LANCL2: variants seen among roughly 807,000 people sequenced by gnomAD.
LANCL2 encodes lanC-like protein 2.
LANCL2 carries 33 observed loss-of-function variants against 56.9 expected under a neutral mutation model. That is an observed-to-expected ratio of 0.58 (90% CI 0.44 to 0.78). The LOEUF is 0.78. Among genes scored for constraint, LANCL2 ranks in the 30% least tolerant of loss-of-function variants. The probability of loss-of-function intolerance (pLI) is 0.00; values close to 1 mark genes in which losing one functional copy is unlikely to be tolerated. For synonymous variants in LANCL2, 233 were observed against 228.2 expected, an observed-to-expected ratio of 1.02 and a Z score of -0.19; for missense variants, 562 against 580.2, an observed-to-expected ratio of 0.97 and a Z score of 0.32.
At chr7:55,390,739 C>G (rs968430013) in intron 1 of LANCL2, among the ~76,000 whole-genome samples, 3 of 151,340 alleles carry the variant, frequency 2.0e-5, no homozygotes, top group African/African-American at 4.9e-5. Context: ...TGAGATCACA[C>G]CACAGCACTC....
intron 1 of LANCL2, among the ~76,000 whole-genome samples, chr7:55,386,198 C>T (rs1790123860): frequency 6.6e-6 from 1 of 152,022 alleles, no homozygotes. Context: ...TCTCGGCTGA[C>T]AGGATTAAGA....
At chr7:55,398,840 T>A (rs1191142033) in intron 3 of LANCL2, among the ~76,000 whole-genome samples, 1 of 152,204 alleles carries the variant, frequency 6.6e-6, no homozygotes, top group Non-Finnish European at 1.5e-5. Flanking sequence ...ATAAATATAT[T>A]TCCTTATTTT....
chr7:55,370,583 A>C (rs1789932167), intron 1 of LANCL2, among the ~76,000 whole-genome samples: 1 of 152,220 alleles, frequency 6.6e-6, no homozygotes, highest in African/African-American at 2.4e-5. Context: ...AGTAAGTGAC[A>C]ATATGTAAAG....
At chr7:55,373,104 T>G (rs1789963086) in intron 1 of LANCL2, among the ~76,000 whole-genome samples, 1 of 152,190 alleles carries the variant, frequency 6.6e-6, no homozygotes, top group South Asian at 2.1e-4. Flanking sequence ...GTCTCCAGAT[T>G]CGTAAGTTTA....
intron 1 of LANCL2, among the ~76,000 whole-genome samples, chr7:55,370,653 G>A (rs1316338182): frequency 2.6e-5 from 4 of 152,154 alleles, no homozygotes; most frequent in African/African-American, 7.2e-5. Context: ...TTCGCATCAG[G>A]GAAGGCTTTT....
chr7:55,374,830 C>T (rs1437363487), intron 1 of LANCL2, among the ~76,000 whole-genome samples: 1 of 152,174 alleles, frequency 6.6e-6, no homozygotes, highest in Admixed American at 6.5e-5. Context: ...GCAAAGTTTG[C>T]ACATCATCAC....
chr7:55,433,194 G>A lies in LANCL2; in HGVS notation c.*1874G>A, dbSNP rs1351266513. 1 of 152,330 alleles carries A rather than the reference G, an allele frequency of 6.6e-6. No individual in the cohort carries two copies. The highest frequency in any genetic ancestry group is 1.5e-5 in the Non-Finnish European group (1 of 68,108). The allele number at this position is 152,330 out of a possible 1,614,324, so 9.4% of individuals were successfully genotyped here. A position where few individuals can be genotyped will look rare whatever the true frequency, so the allele number is the denominator to read the frequency against. ...GCGGGTGCAGCCAGGTGTCTGCAGA[G>A]CAGCCACAAAGGTGGCCTAGGATGC... On this transcript the variant is annotated 3_prime_UTR_variant, in exon 9 of 9. Coordinates refer to ENST00000254770, the MANE Select transcript of LANCL2 (RefSeq NM_018697.4).
intron 2 of LANCL2, among the ~76,000 whole-genome samples, chr7:55,398,165 T>C (rs776747452): frequency 6.6e-6 from 1 of 152,234 alleles, no homozygotes; most frequent in Non-Finnish European, 1.5e-5. Context: ...ATAAGAGGTA[T>C]TAAATCACTG....
chr7:55,405,755 T>C lies in LANCL2; in HGVS notation c.825+4435T>C, dbSNP rs79159902. ...TTTAGGCTGATTTTGCTGTATATTA[T>C]GGACTTCCTTGGGAGGAATACAAAT... On this transcript the variant is annotated intron_variant, in intron 5 of 8. Transcript: ENST00000254770. Among the ~76,000 whole-genome samples, 480 of 152,292 alleles carry C rather than the reference T, an allele frequency of 3.2e-3. 2 individuals are homozygous for C. Among genetic ancestry groups the C allele is most frequent in the African/African-American group, 0.011 (473 of 41,556 alleles).
chr7:55,420,072 CATAAAAA>C (rs1163527224), intron 6 of LANCL2, among the ~76,000 whole-genome samples: 2 of 150,772 alleles, frequency 1.3e-5, no homozygotes, highest in Admixed American at 6.6e-5. Context: ...TCAAAAAAAA[CATAAAAA>C]ATAAAAAATA....
In LANCL2 at chr7:55,380,869, C is replaced by CTT. The variant is rs66710499; in HGVS notation, c.205-10907_205-10906dup. 4.6e-4 allele frequency among the ~76,000 whole-genome samples: 55 copies of CTT among 118,570 alleles called. 1 individual carries two copies. Among genetic ancestry groups the CTT allele is most frequent in the East Asian group, 1.3e-3 (5 of 3,970 alleles). 77.8% of individuals were successfully genotyped at this position (118,570 alleles called of 152,430 possible). A position where few individuals can be genotyped will look rare whatever the true frequency, so the allele number is the denominator to read the frequency against. The stretch of plus-strand genomic sequence containing the variant: ...GCATGATCAGAGGAGGAGTGAATTT[C>CTT]TTTTTTTTTTTTTTTTTTGAGATGG... On this transcript the variant is annotated intron_variant, in intron 1 of 8. Transcript: ENST00000254770.
intron 5 of LANCL2, among the ~76,000 whole-genome samples, chr7:55,402,482 T>C (rs1391349187): frequency 1.4e-5 from 1 of 70,752 alleles, no homozygotes. Context: ...GGGGCTCCTC[T>C]CCTCCCAGTA....
chr7:55,402,448 G>T (rs1181115622), intron 5 of LANCL2, among the ~76,000 whole-genome samples: 1 of 134,346 alleles, frequency 7.4e-6, no homozygotes, highest in Non-Finnish European at 1.6e-5. Flanking sequence ...CCTCCCTCCC[G>T]GACGGGGCGG....
intron 6 of LANCL2, among the ~76,000 whole-genome samples, chr7:55,412,463 G>C (rs536388276): frequency 2.0e-5 from 3 of 152,260 alleles, no homozygotes; most frequent in Admixed American, 2.0e-4. Flanking sequence ...TTTCTTGCTT[G>C]AATAAGCCTT....
chr7:55,388,887 T>G (rs1189322635), intron 1 of LANCL2, among the ~76,000 whole-genome samples: 3 of 152,142 alleles, frequency 2.0e-5, no homozygotes, highest in Non-Finnish European at 4.4e-5. Context: ...CTTTTCCCGT[T>G]TATCTCATTG....
chr7:55,375,868 C>A (rs2128991257), intron 1 of LANCL2, among the ~76,000 whole-genome samples: 1 of 152,334 alleles, frequency 6.6e-6, no homozygotes, highest in Non-Finnish European at 1.5e-5. Context: ...CTTAGCTCCT[C>A]AATGCCACCT....
chr7:55,429,298 T>C (rs1790702232), intron 8 of LANCL2, among the ~76,000 whole-genome samples: 1 of 152,244 alleles, frequency 6.6e-6, no homozygotes, highest in South Asian at 2.1e-4. Context: ...TACAAACTTC[T>C]AGGTCTGGAG....
chr7:55,368,118 T>C (rs1789895854), intron 1 of LANCL2, among the ~76,000 whole-genome samples: 1 of 152,228 alleles, frequency 6.6e-6, no homozygotes, highest in Non-Finnish European at 1.5e-5. Flanking sequence ...AAATGAACTC[T>C]TGACATGAGA....
chr7:55,401,694 G>GCAGT (rs1790330110), intron 5 of LANCL2, among the ~76,000 whole-genome samples: 1 of 134,222 alleles, frequency 7.5e-6, no homozygotes, highest in Non-Finnish European at 1.6e-5. Flanking sequence ...GCGGCCCTCT[G>GCAGT]CAGTGTTTGT....
Sources: allele counts gnomAD v4.1 joint callset (sites outside exome capture counted in the v4.1 genomes callset), GRCh38; gene constraint gnomAD v4.1.1; transcripts MANE v1.5; gene names NCBI Gene and HGNC (gene_info 2026-07-23, HGNC 2026-07-21).